Variants in KMT2A observed in about 807,000 individuals in gnomAD.
KMT2A encodes histone-lysine N-methyltransferase 2A.
A neutral mutation model predicts 345.3 loss-of-function variants in KMT2A; 16 were observed. That is an observed-to-expected ratio of 0.05 (90% CI 0.03 to 0.07). KMT2A has a LOEUF of 0.07. Ranked by LOEUF, KMT2A falls within the 10% of genes least tolerant of loss-of-function variation. The pLI is 1.00. For synonymous variants in KMT2A, 1,599 were observed against 1,778.6 expected, an observed-to-expected ratio of 0.90 and a Z score of 2.54; for missense variants, 3,272 against 4,841.6, an observed-to-expected ratio of 0.68 and a Z score of 9.62.
chr11:118,512,556 GT>G (rs1950712320), intron 31 of KMT2A, among the ~76,000 whole-genome samples: 1 of 151,960 alleles, frequency 6.6e-6, no homozygotes, highest in South Asian at 2.1e-4. Context: ...GGACATTTGG[GT>G]TTTTTCTATT....
intron 31 of KMT2A, 133 bp downstream of exon 31, chr11:118,512,158 T>G (rs1333290333): frequency 2.9e-6 from 2 of 692,102 alleles, no homozygotes; most frequent in Non-Finnish European, 2.5e-6. Flanking sequence ...ATTTAATTCA[T>G]ATACCATACA....
At chr11:118,500,880 G>A in intron 24 of KMT2A, 107 bp from the exon 25 acceptor site, 1 of 772,678 alleles carries the variant, frequency 1.3e-6, no homozygotes, top group Non-Finnish European at 2.0e-6. Flanking sequence ...GCTAAACTCT[G>A]TAATTAAGAG....
chr11:118,492,680 A>G (rs1950344891), intron 15 of KMT2A, among the ~76,000 whole-genome samples: 1 of 152,222 alleles, frequency 6.6e-6, no homozygotes, highest in African/African-American at 2.4e-5. Flanking sequence ...GTCCATCTCA[A>G]AACAAAAAAA....
rs909967745 is a variant in KMT2A, at chr11:118,519,498, A to G, written c.11147-120A>G. 4 of 778,984 alleles carry G rather than the reference A, an allele frequency of 5.1e-6. No homozygotes were observed. The African/African-American group carries it at 6.9e-5, about 13-fold the overall frequency. The allele number at this position is 778,984 out of a possible 1,614,324, so 48.3% of individuals were successfully genotyped here. On this transcript the variant is annotated intron_variant, in intron 31 of 35. Transcript: ENST00000534358. ...TGATGCTAATTTCGAGCTAATATGTACTATAATTCACCCTGGAGCAGCCTC... is the reference window on the plus strand; with the variant it reads ...TGATGCTAATTTCGAGCTAATATGTGCTATAATTCACCCTGGAGCAGCCTC...
intron 1 of KMT2A, among the ~76,000 whole-genome samples, chr11:118,453,113 A>G (rs1194692883): frequency 6.6e-6 from 1 of 152,106 alleles, no homozygotes; most frequent in Non-Finnish European, 1.5e-5. Flanking sequence ...TAATCCTTTA[A>G]AAAAACGCTT....
chr11:118,515,076 G>A (rs1396469476), intron 31 of KMT2A, among the ~76,000 whole-genome samples: 6 of 152,224 alleles, frequency 3.9e-5, no homozygotes, highest in African/African-American at 7.2e-5. Flanking sequence ...CCATCCATGT[G>A]TCTTAAAGTG....
intron 8 of KMT2A, among the ~76,000 whole-genome samples, chr11:118,483,312 C>G (rs1555039889): frequency 6.6e-6 from 1 of 151,462 alleles, no homozygotes; most frequent in East Asian, 1.9e-4. Flanking sequence ...GCGGGCGGAT[C>G]ATGAGGGCAG....
At chr11:118,482,366 C>A in intron 7 of KMT2A, 56 bp from the exon 8 acceptor site, 3 of 1,146,390 alleles carry the variant, frequency 2.6e-6, no homozygotes, top group South Asian at 2.9e-5. Context: ...ACAGGTCAGT[C>A]AGTACTAAAG....
At chr11:118,455,340 T>A (rs1949621663) in intron 1 of KMT2A, among the ~76,000 whole-genome samples, 1 of 152,238 alleles carries the variant, frequency 6.6e-6, no homozygotes, top group Non-Finnish European at 1.5e-5. Context: ...TATTGAATGA[T>A]TGAGTGACAG....
chr11:118,491,683 C>T lies in KMT2A; in HGVS notation c.4820-61C>T. ...ATAGTAAGTTCAGTGGAATAGTTTC[C>T]TCTTCTTCCTCTCTCTCATTCTTCA... On this transcript the variant is annotated intron_variant, in intron 14 of 35. Transcript: ENST00000534358. This position sits in a 1 kb window ranked among gnomAD's most constrained non-coding sequence, Gnocchi z 4.2. 1 of 1,312,350 alleles carries T rather than the reference C, an allele frequency of 7.6e-7. No individual in the cohort carries two copies. Among genetic ancestry groups the T allele is most frequent in the Non-Finnish European group, 1.1e-6 (1 of 948,912 alleles). 81.3% of individuals were successfully genotyped at this position (1,312,350 alleles called of 1,614,324 possible). A position where few individuals can be genotyped will look rare whatever the true frequency, so the allele number is the denominator to read the frequency against.
At chr11:118,479,027 A>G (rs1241894158) in intron 5 of KMT2A, among the ~76,000 whole-genome samples, 1 of 152,216 alleles carries the variant, frequency 6.6e-6, no homozygotes, top group African/African-American at 2.4e-5. Flanking sequence ...CAGGCATGCA[A>G]TGCATCATAA....
At position 118,506,584 on chromosome 11, in the gene KMT2A, G is replaced by A. The variant is rs781851809; in HGVS notation, c.10692G>A (p.Arg3564=). 3.7e-6 allele frequency: 6 copies of A among 1,614,022 alleles called. No individual in the cohort carries two copies. Among genetic ancestry groups the A allele is most frequent in the Non-Finnish European group, 5.1e-6 (6 of 1,179,936 alleles). The change falls in exon 27 of 36, where the codon CGG becomes CGA. Residue 3564 remains arginine (R), a synonymous_variant. Transcript: ENST00000534358. ...AGAAGCACAAAGTTTCCCATTTGCG[G>A]ACCAGTTCTTCTGAAGCACACATTC... ...NGKKHKVSHL[R]TSSSEAHIPD...
In KMT2A at chr11:118,503,709, G is replaced by T; in HGVS notation, c.7817G>T (p.Gly2606Val). The T allele has an allele frequency of 6.2e-7, 1 of 1,614,074 alleles. No homozygotes were observed. ...VQDRNLMLPD[G>V]PKPQEDGSFK... ...GACAGAAACCTAATGCTTCCAGATG[G>T]CCCCAAACCTCAGGAGGATGGCTCT... Residue 2606 changes from glycine (G) to valine (V), a missense_variant, in exon 27 of 36, where the codon GGC becomes GTC. Gly to Val is a moderately radical substitution (Grantham distance 109, BLOSUM62 -3). This residue lies in a region of KMT2A where 445 missense variants were observed against 500.9 expected (regional missense o/e 0.89). Transcript: ENST00000534358. This position sits in a 1 kb window ranked among gnomAD's most constrained non-coding sequence, Gnocchi z 5.3.
rs373487642 is a variant in KMT2A at position 118,504,769 on chromosome 11, G to A, written c.8877G>A (p.Gly2959=). ...PSRLAVISDS[G]EKRVTITEKS... ...GACTAGCTGTTATCTCAGACTCAGG[G>A]GAGAAGAGAGTAACCATCACAGAAA... The change falls in exon 27 of 36, where the codon GGG becomes GGA. Residue 2959 remains glycine, a synonymous_variant. Transcript: ENST00000534358. The surrounding 1 kb of genome is among the most constrained non-coding windows in gnomAD (Gnocchi z 6.4). 1.2e-6 allele frequency: 2 copies of A among 1,613,902 alleles called. No individual in the cohort carries two copies. Among genetic ancestry groups the A allele is most frequent in the Non-Finnish European group, 1.7e-6 (2 of 1,180,012 alleles).
chr11:118,473,754 CAAG>C lies in KMT2A; in HGVS notation c.2597_2599del (p.Lys866del). The C allele has an allele frequency of 6.2e-7, 1 of 1,613,708 alleles. No homozygotes were observed. The highest frequency in any genetic ancestry group is 8.5e-7 in the Non-Finnish European group (1 of 1,179,858). ...AGCTGTCCAAAGATCGAGATGCTGA[CAAG>C]AGCGTGGAGAAGGACAAGAGTAGAG... On this transcript the variant is annotated inframe_deletion, in exon 3 of 36. Transcript: ENST00000534358. The surrounding 1 kb of genome is among the most constrained non-coding windows in gnomAD (Gnocchi z 5.2).
Position 118,436,494 on chromosome 11 carries a change from T to G in KMT2A, c.-19T>G. Reference sequence around the variant, plus strand: ...TGTTGTCGCCTCTCCCTCTCGCTGCTTCACTTCACGGGGCGAACATGGCGC... The same window carrying G: ...TGTTGTCGCCTCTCCCTCTCGCTGCGTCACTTCACGGGGCGAACATGGCGC... On this transcript the variant is annotated 5_prime_UTR_variant, in exon 1 of 36. Transcript: ENST00000534358. This position sits in a 1 kb window ranked among gnomAD's most constrained non-coding sequence, Gnocchi z 6.9. The G allele has an allele frequency of 1.6e-6, 2 of 1,240,968 alleles. No homozygotes were observed. Among genetic ancestry groups the G allele is most frequent in the Non-Finnish European group, 1.0e-6 (1 of 978,886 alleles). 76.9% of individuals were successfully genotyped at this position (1,240,968 alleles called of 1,614,324 possible).
rs373950413 is a variant in KMT2A at position 118,511,908 on chromosome 11, G to A, written c.11072-43G>A. ...ATCATTGGTATTAAGAAGGGTTTAC[G>A]TGCATATTTTCTGGCTTACGGGTTT... is the stretch of plus-strand genomic sequence containing the variant. On this transcript the variant is annotated intron_variant, in intron 30 of 35. Coordinates refer to ENST00000534358, the MANE Select transcript of KMT2A (RefSeq NM_001197104.2). 60 of 1,488,960 alleles carry A rather than the reference G, an allele frequency of 4.0e-5. 1 individual carries two copies. Among genetic ancestry groups the A allele is most frequent in the African/African-American group, 1.4e-4 (10 of 72,542 alleles). The allele number at this position is 1,488,960 out of a possible 1,614,324, so 92.2% of individuals were successfully genotyped here. A position where few individuals can be genotyped will look rare whatever the true frequency, so the allele number is the denominator to read the frequency against.
At position 118,491,260 on chromosome 11, in the gene KMT2A, A is replaced by G. The variant is rs1412301408; in HGVS notation, c.4761A>G (p.Gln1587=). ...ATGACTATGAGAGTAAGATGATGCA[A>G]TGTGGAAAGTGTGATCGCTGGGTCC... ...DDDDYESKMM[Q]CGKCDRWVHS... is the part of the protein sequence containing the mutation. The change falls in exon 14 of 36, where the codon CAA becomes CAG. Residue 1587 remains glutamine (Q), a synonymous_variant. Transcript: ENST00000534358. This position sits in a 1 kb window ranked among gnomAD's most constrained non-coding sequence, Gnocchi z 4.2. 3.1e-6 allele frequency: 5 copies of G among 1,613,882 alleles called. No individual in the cohort carries two copies. Among genetic ancestry groups the G allele is most frequent in the Middle Eastern group, 1.6e-4 (1 of 6,084 alleles).
chr11:118,481,619 T>A, intron 6 of KMT2A, 96 bp from the exon 7 acceptor site: 1 of 1,320,774 alleles, frequency 7.6e-7, no homozygotes, highest in South Asian at 1.5e-5. Context: ...TATACCTAGC[T>A]GTGGGATTGC....
Sources: allele counts gnomAD v4.1 joint callset (sites outside exome capture counted in the v4.1 genomes callset), GRCh38; gene constraint gnomAD v4.1.1; regional missense constraint gnomAD v4.1.1; non-coding constraint Gnocchi (gnomAD v3.1); transcripts MANE v1.5; gene names NCBI Gene and HGNC (gene_info 2026-07-23, HGNC 2026-07-21).